Variants in ELAVL4 observed in about 807,000 individuals in gnomAD.
ELAVL4 encodes the protein ELAV like RNA binding protein 4.
A neutral mutation model predicts 35.6 loss-of-function variants in ELAVL4; 1 was observed. The ratio of observed to expected loss-of-function variants is 0.03; its 90% CI spans 0.01 to 0.13. The LOEUF (loss-of-function observed/expected upper bound fraction) is 0.13, where lower values mean the gene tolerates loss of function less well. Among genes scored for constraint, ELAVL4 ranks in the 10% least tolerant of loss-of-function variants. The pLI is 1.00. For missense variants in ELAVL4, 267 were observed against 464.9 expected, an observed-to-expected ratio of 0.57 and a Z score of 3.91; for synonymous variants, 156 against 171.0, an observed-to-expected ratio of 0.91 and a Z score of 0.69.
Position 50,181,699 on chromosome 1 carries a change from T to TTTTG in ELAVL4, c.354+4509_354+4510insTGTT, listed in dbSNP as rs1681062078. ...TGTTTGTTTTGTTTTGTTTTGTTTT[T>TTTTG]TTAGACAGAGTTTCACTCTTGTTGC... On this transcript the variant is annotated intron_variant, in intron 3 of 6. Coordinates refer to ENST00000371824, the MANE Select transcript of ELAVL4 (RefSeq NM_001144774.3). Among the ~76,000 whole-genome samples, 3 of 73,818 alleles carry TTTTG rather than the reference T, an allele frequency of 4.1e-5. No individual in the cohort carries two copies. The South Asian group carries it at 1.5e-3, about 36-fold the overall frequency. The allele number at this position is 73,818 out of a possible 152,430, so 48.4% of individuals were successfully genotyped here. A position where few individuals can be genotyped will look rare whatever the true frequency, so the allele number is the denominator to read the frequency against.
chr1:50,183,571 A>C (rs1291867158), intron 3 of ELAVL4, among the ~76,000 whole-genome samples: 1 of 151,902 alleles, frequency 6.6e-6, no homozygotes. Flanking sequence ...CTGCTTAACC[A>C]CTTCTCCATT....
intron 1 of ELAVL4, among the ~76,000 whole-genome samples, chr1:50,052,745 G>A (rs1223088230): frequency 6.6e-6 from 1 of 152,146 alleles, no homozygotes; most frequent in Non-Finnish European, 1.5e-5. Flanking sequence ...AACCTAAACT[G>A]CCTACTACAC....
chr1:50,182,119 C>A (rs1443885497), intron 3 of ELAVL4, among the ~76,000 whole-genome samples: 1 of 152,240 alleles, frequency 6.6e-6, no homozygotes, highest in Non-Finnish European at 1.5e-5. Flanking sequence ...CTGTTGGGCT[C>A]CAAAAGAACA....
At chr1:50,176,562 T>A (rs766283057) in intron 2 of ELAVL4, among the ~76,000 whole-genome samples, 1 of 152,174 alleles carries the variant, frequency 6.6e-6, no homozygotes, top group Non-Finnish European at 1.5e-5. Flanking sequence ...TACTCCAATC[T>A]AGACAATGTA....
chr1:50,193,903 G>T lies in ELAVL4; in HGVS notation c.493G>T (p.Val165Phe), dbSNP rs962063964. ...CCGTATCATCACCTCACGAATCCTG[G>T]TTGATCAAGTCACAGGTTAAGTGTT... ...YGRIITSRIL[V>F]DQVTGVSRGV... Residue 165 changes from valine (V) to phenylalanine (F), a missense_variant, in exon 4 of 7, where the codon GTT (valine) becomes TTT (phenylalanine). This residue lies in a region of ELAVL4 where 216 missense variants were observed against 409.5 expected (regional missense o/e 0.53). Coordinates refer to ENST00000371824, the MANE Select transcript of ELAVL4 (RefSeq NM_001144774.3). 1 of 1,613,870 alleles carries T rather than the reference G, an allele frequency of 6.2e-7. No homozygotes were observed. The highest frequency in any genetic ancestry group is 8.5e-7 in the Non-Finnish European group (1 of 1,179,940).
intron 1 of ELAVL4, among the ~76,000 whole-genome samples, chr1:50,098,732 A>C (rs1665822450): frequency 6.6e-6 from 1 of 152,190 alleles, no homozygotes; most frequent in African/African-American, 2.4e-5. Context: ...AGAGTCAGAG[A>C]GGGGAAGAAC....
At chr1:50,158,930 CG>C (rs1362597850) in intron 2 of ELAVL4, among the ~76,000 whole-genome samples, 1 of 151,184 alleles carries the variant, frequency 6.6e-6, no homozygotes, top group East Asian at 2.0e-4. Flanking sequence ...CCCAGCTATT[CG>C]GGAGGCTGAG....
chr1:50,117,906 T>C (rs1315644741), intron 1 of ELAVL4, among the ~76,000 whole-genome samples: 2 of 152,254 alleles, frequency 1.3e-5, no homozygotes. Context: ...CGGAATTGTA[T>C]GGCTTTATTA....
chr1:50,084,339 A>G (rs1665141006), intron 1 of ELAVL4, among the ~76,000 whole-genome samples: 1 of 152,214 alleles, frequency 6.6e-6, no homozygotes, highest in South Asian at 2.1e-4. Flanking sequence ...GAAAGGTTAA[A>G]TAATTGTCCT....
intron 1 of ELAVL4, among the ~76,000 whole-genome samples, chr1:50,079,143 T>G (rs1664891724): frequency 6.6e-6 from 1 of 152,252 alleles, no homozygotes; most frequent in Non-Finnish European, 1.5e-5. Flanking sequence ...CCCAGACTGG[T>G]CTCGAACTCC....
intron 1 of ELAVL4, among the ~76,000 whole-genome samples, chr1:50,063,019 T>C (rs1000464239): frequency 6.6e-6 from 1 of 152,186 alleles, no homozygotes; most frequent in Non-Finnish European, 1.5e-5. Context: ...CAAGAAGGTT[T>C]CATTCTGGTA....
intron 2 of ELAVL4, among the ~76,000 whole-genome samples, chr1:50,170,581 T>G (rs1303658092): frequency 6.6e-6 from 1 of 152,216 alleles, no homozygotes; most frequent in African/African-American, 2.4e-5. Flanking sequence ...AAACCAATGC[T>G]TCTTAATCCT....
chr1:50,055,969 AG>A (rs1256884673), intron 1 of ELAVL4, among the ~76,000 whole-genome samples: 2 of 152,198 alleles, frequency 1.3e-5, no homozygotes, highest in Non-Finnish European at 2.9e-5. Context: ...AGGTTTGAGT[AG>A]GACTCTGTAT....
chr1:50,110,391 A>G (rs1000314591), intron 1 of ELAVL4, among the ~76,000 whole-genome samples: 4 of 152,158 alleles, frequency 2.6e-5, no homozygotes, highest in Non-Finnish European at 5.9e-5. Context: ...TGAGGGGTGG[A>G]GGAGGTGAGA....
chr1:50,107,576 C>T (rs912642732), upstream of ELAVL4, among the ~76,000 whole-genome samples: 1 of 152,034 alleles, frequency 6.6e-6, no homozygotes, highest in Non-Finnish European at 1.5e-5. Context: ...CTTTGAAACC[C>T]AGAAATATAG....
At chr1:50,159,187 T>A (rs946856261) in intron 2 of ELAVL4, among the ~76,000 whole-genome samples, 9 of 152,226 alleles carry the variant, frequency 5.9e-5, no homozygotes, top group African/African-American at 2.2e-4. Flanking sequence ...CAGTCCTGTT[T>A]CAAAGGGTAA....
chr1:50,058,787 A>T (rs1663814401), intron 1 of ELAVL4, among the ~76,000 whole-genome samples: 1 of 151,628 alleles, frequency 6.6e-6, no homozygotes, highest in South Asian at 2.1e-4. Flanking sequence ...ATTTTTTTTT[A>T]GAGATGAGGT....
rs1003297559 is a variant in ELAVL4, at chr1:50,184,548, G to A, written c.354+7356G>A. Among the ~76,000 whole-genome samples the A allele has an allele frequency of 3.9e-5, 6 of 152,128 alleles. No individual in the cohort carries two copies. In the South Asian group the frequency reaches 1.0e-3, roughly 26 times the overall value. Reference sequence around the variant, plus strand: ...TCTCGGCTTCATATTTTAAAAGATTGTCTAAAGGTGAATGACAAAGATGGG... The same window carrying A: ...TCTCGGCTTCATATTTTAAAAGATTATCTAAAGGTGAATGACAAAGATGGG... On this transcript the variant is annotated intron_variant, in intron 3 of 6. Coordinates refer to ENST00000371824, the MANE Select transcript of ELAVL4 (RefSeq NM_001144774.3).
intron 1 of ELAVL4, among the ~76,000 whole-genome samples, chr1:50,054,389 G>C (rs866418764): frequency 1.3e-5 from 2 of 152,244 alleles, no homozygotes; most frequent in Non-Finnish European, 2.9e-5. Context: ...CTCCCATCTT[G>C]CCAGGGGAAT....
Sources: gnomAD v4.1 joint callset for allele counts (sites outside exome capture counted in the v4.1 genomes callset) on GRCh38, gnomAD v4.1.1 for gene constraint, gnomAD v4.1.1 regional missense constraint, MANE v1.5 for transcripts, NCBI Gene and HGNC (gene_info 2026-07-23, HGNC 2026-07-21) for gene names.